The following EDA variants were observed in gnomAD, a reference collection of about 807,000 sequenced individuals.
EDA encodes the protein ectodysplasin A.
Under a neutral mutation model 23.6 loss-of-function variants are expected in EDA, and 2 were observed. That is an observed-to-expected ratio of 0.08 (90% confidence interval 0.03 to 0.27). The LOEUF (loss-of-function observed/expected upper bound fraction) is 0.27, where lower values mean the gene tolerates loss of function less well. Among genes scored for constraint, EDA ranks in the 10% least tolerant of loss-of-function variants. The probability of loss-of-function intolerance (pLI) is 1.00; values close to 1 mark genes in which losing one functional copy is unlikely to be tolerated. For missense variants in EDA, 229 were observed against 324.2 expected, an observed-to-expected ratio of 0.71 and a Z score of 2.26; for synonymous variants, 131 against 132.0, an observed-to-expected ratio of 0.99 and a Z score of 0.05.
intron 2 of EDA, among the ~76,000 whole-genome samples, chrX:69,976,646 G>A (rs2019321215): frequency 9.0e-6 from 1 of 111,149 alleles, no homozygotes; most frequent in Non-Finnish European, 1.9e-5. Context: ...TCTCTCAGTG[G>A]GTATGAACCA....
intron 1 of EDA, among the ~76,000 whole-genome samples, chrX:69,738,596 A>T (rs1327044311): frequency 2.8e-5 from 3 of 107,476 alleles, no homozygotes; most frequent in African/African-American, 1.0e-4. Context: ...TTGACTTCAG[A>T]TCTTTCTTCT....
chrX:69,953,347 C>T (rs1430720715), intron 1 of EDA, among the ~76,000 whole-genome samples: 1 of 111,970 alleles, frequency 8.9e-6, no homozygotes, highest in Non-Finnish European at 1.9e-5. Flanking sequence ...CACAATGAAA[C>T]AGTACTTCAC....
intron 1 of EDA, among the ~76,000 whole-genome samples, chrX:69,660,878 G>T (rs766905303): frequency 2.4e-4 from 27 of 111,342 alleles, no homozygotes; most frequent in African/African-American, 7.2e-4. Context: ...GGATGGCTGG[G>T]TCAAATGGTA....
chrX:69,843,879 G>A (rs1271628381), intron 1 of EDA, among the ~76,000 whole-genome samples: 3 of 109,353 alleles, frequency 2.7e-5, no homozygotes, highest in African/African-American at 6.7e-5. Flanking sequence ...AAAATTAGCC[G>A]AGCGTGGTGG....
chrX:69,943,732 T>A (rs997450642), intron 1 of EDA, among the ~76,000 whole-genome samples: 16 of 108,910 alleles, frequency 1.5e-4, no homozygotes, highest in African/African-American at 5.0e-4. Context: ...GTGGCAAATC[T>A]AGCCAAGCGT....
chrX:69,875,476 T>A (rs2017628856), intron 1 of EDA, among the ~76,000 whole-genome samples: 1 of 111,374 alleles, frequency 9.0e-6, no homozygotes, highest in Non-Finnish European at 1.9e-5. Context: ...ATACAAAAAA[T>A]CAACTCAAGA....
At position 69,710,223 on chromosome X, in the gene EDA, A is replaced by C. The variant is rs1244510878; in HGVS notation, c.396+93519A>C. On this transcript the variant is annotated intron_variant, in intron 1 of 7. Coordinates refer to ENST00000374552, the MANE Select transcript of EDA (RefSeq NM_001399.5). ...TTCAGCTTTCTACATATGGCTAGCC[A>C]GTTTTCCCAGCACCATTTATTAAAT... Among the ~76,000 whole-genome samples, 3 of 110,353 alleles carry C rather than the reference A, an allele frequency of 2.7e-5. No individual in the cohort carries two copies. In the Admixed American group the frequency reaches 2.9e-4, roughly 11 times the overall value.
intron 1 of EDA, among the ~76,000 whole-genome samples, chrX:69,668,153 C>T (rs763361668): frequency 1.8e-5 from 2 of 111,771 alleles, no homozygotes; most frequent in African/African-American, 6.5e-5. Flanking sequence ...TTTGCCATAT[C>T]CCATAGGTTT....
chrX:69,910,758 C>A (rs1254012153), intron 1 of EDA, among the ~76,000 whole-genome samples: 2 of 111,233 alleles, frequency 1.8e-5, no homozygotes, highest in Non-Finnish European at 3.8e-5. Context: ...TTGGATTTTT[C>A]TGTTTCAATT....
At chrX:69,716,284 A>T (rs1000009570) in intron 1 of EDA, among the ~76,000 whole-genome samples, 1 of 111,957 alleles carries the variant, frequency 8.9e-6, no homozygotes, top group Non-Finnish European at 1.9e-5. Context: ...TCTTTTGCAT[A>T]TGGCTAGCCT....
rs768867515 is a variant in EDA at position 69,937,046 on chromosome X, A to G, written c.397-19981A>G. ...AAGGCAGACAATAAAATGGGCCATGAAAGGGCGGGGGGAAGGGACTGTCTG... is the reference window on the plus strand; with the variant it reads ...AAGGCAGACAATAAAATGGGCCATGGAAGGGCGGGGGGAAGGGACTGTCTG... On this transcript the variant is annotated intron_variant, in intron 1 of 7. Transcript: ENST00000374552. The G allele has an allele frequency of 3.6e-5, 17 of 473,797 alleles. No individual in the cohort carries two copies. In the South Asian group the frequency reaches 6.8e-4, roughly 19 times the overall value. The allele number at this position is 473,797 out of a possible 1,213,427, so 39.0% of individuals were successfully genotyped here. A position where few individuals can be genotyped will look rare whatever the true frequency, so the allele number is the denominator to read the frequency against.
intron 1 of EDA, among the ~76,000 whole-genome samples, chrX:69,630,682 A>G (rs931882557): frequency 8.9e-6 from 1 of 112,265 alleles, no homozygotes; most frequent in African/African-American, 3.2e-5. Flanking sequence ...TTGTCTCGTT[A>G]ATTATGTAAA....
chrX:70,037,141 G>T lies in EDA; in HGVS notation c.*1532G>T, dbSNP rs2020278119. 1 of 112,774 alleles carries T rather than the reference G, an allele frequency of 8.9e-6. No homozygotes were observed. The highest frequency in any genetic ancestry group is 9.4e-5 in the Admixed American group (1 of 10,686). The allele number at this position is 112,774 out of a possible 1,213,427, so 9.3% of individuals were successfully genotyped here. The stretch of plus-strand genomic sequence containing the variant: ...AACCTGGGAAGGCCAGCCTTGTACA[G>T]TCTGCTCCTCTTGTTCCTGAAATGT... On this transcript the variant is annotated 3_prime_UTR_variant, in exon 8 of 8. Coordinates refer to ENST00000374552, the MANE Select transcript of EDA (RefSeq NM_001399.5).
intron 1 of EDA, among the ~76,000 whole-genome samples, chrX:69,670,466 G>A (rs1214761583): frequency 2.7e-5 from 3 of 110,769 alleles, no homozygotes. Context: ...GAAGTTGTCA[G>A]CAATTGTTTC....
rs147401730 is a variant in EDA at position 69,776,480 on chromosome X, A to G, written c.396+159776A>G. ...AAGCTGTCTTGCCTGCCACGATGTA[A>G]GACATGCCTTTGCTCCTCCTCTGCC... On this transcript the variant is annotated intron_variant, in intron 1 of 7. Coordinates refer to ENST00000374552, the MANE Select transcript of EDA (RefSeq NM_001399.5). Among the ~76,000 whole-genome samples the G allele has an allele frequency of 8.6e-3, 962 of 111,710 alleles. 5 individuals are homozygous for G. Among genetic ancestry groups the G allele is most frequent in the Non-Finnish European group, 0.014 (752 of 53,095 alleles).
chrX:69,783,539 T>C (rs1353339580), intron 1 of EDA, among the ~76,000 whole-genome samples: 1 of 108,440 alleles, frequency 9.2e-6, no homozygotes, highest in Admixed American at 9.9e-5. Context: ...TATGCAGTCT[T>C]TGGTTTTCTG....
intron 2 of EDA, among the ~76,000 whole-genome samples, chrX:69,995,175 T>G (rs2019639496): frequency 8.9e-6 from 1 of 112,210 alleles, no homozygotes; most frequent in Non-Finnish European, 1.9e-5. Flanking sequence ...AAAATGGCAT[T>G]GTATACATCT....
rs1206080447 is a variant in EDA, at chrX:70,038,766, C to G, written c.*3157C>G. On this transcript the variant is annotated 3_prime_UTR_variant, in exon 8 of 8. Transcript: ENST00000374552. The stretch of plus-strand genomic sequence containing the variant: ...AACTTCCTGTGGATGCAAATAGATT[C>G]AGAGAAATTTAGAGCTAAAAAGGCC... The G allele has an allele frequency of 1.8e-5, 2 of 112,174 alleles. No individual in the cohort carries two copies. Among genetic ancestry groups the G allele is most frequent in the East Asian group, 2.8e-4 (1 of 3,547 alleles). The allele number at this position is 112,174 out of a possible 1,213,427, so 9.2% of individuals were successfully genotyped here.
intron 2 of EDA, among the ~76,000 whole-genome samples, chrX:69,963,075 G>A (rs6625541): frequency 0.074 from 8,194 of 111,096 alleles, 765 homozygotes; most frequent in East Asian, 0.61. Context: ...TCTCTTCCTT[G>A]TAGTTTACTT....
Sources: gnomAD v4.1 joint callset for allele counts (sites outside exome capture counted in the v4.1 genomes callset) on GRCh38, gnomAD v4.1.1 for gene constraint, MANE v1.5 for transcripts, NCBI Gene and HGNC (gene_info 2026-07-23, HGNC 2026-07-21) for gene names.